Variants in DPP10 observed in about 807,000 individuals in gnomAD.
DPP10 encodes inactive dipeptidyl peptidase 10.
Under a neutral mutation model 120.9 loss-of-function variants are expected in DPP10, and 33 were observed. The ratio of observed to expected loss-of-function variants is 0.27; its 90% confidence interval spans 0.21 to 0.37. The LOEUF is 0.37. Among genes scored for constraint, DPP10 ranks in the 10% least tolerant of loss-of-function variants. The pLI, the probability that DPP10 is intolerant of heterozygous loss-of-function variation, is 1.00. For synonymous variants in DPP10, 337 were observed against 326.1 expected, an observed-to-expected ratio of 1.03 and a Z score of -0.36; for missense variants, 816 against 942.8, an observed-to-expected ratio of 0.87 and a Z score of 1.76.
intron 5 of DPP10, among the ~76,000 whole-genome samples, chr2:115,589,575 T>G (rs1362066779): frequency 2.6e-5 from 4 of 152,158 alleles, no homozygotes; most frequent in African/African-American, 7.2e-5. Flanking sequence ...CAAGCAATTA[T>G]GGTGAATTCT....
At chr2:114,646,060 CGA>C (rs1332182818) in intron 1 of DPP10, among the ~76,000 whole-genome samples, 1 of 151,434 alleles carries the variant, frequency 6.6e-6, no homozygotes, top group Admixed American at 6.6e-5. Context: ...CTCAGGAGGC[CGA>C]GGCAGGAGAA....
intron 3 of DPP10, among the ~76,000 whole-genome samples, chr2:115,392,537 T>C (rs2067389898): frequency 6.6e-6 from 1 of 152,158 alleles, no homozygotes; most frequent in African/African-American, 2.4e-5. Context: ...CACATATATA[T>C]AACTAATATT....
intron 1 of DPP10, among the ~76,000 whole-genome samples, chr2:114,585,943 A>G (rs1299546924): frequency 6.6e-6 from 1 of 152,232 alleles, no homozygotes; most frequent in Non-Finnish European, 1.5e-5. Context: ...AGAGGAATTC[A>G]TAACATATAA....
In DPP10 at chr2:115,840,832, C is replaced by G; in HGVS notation, c.2256+9C>G. ...TGAATTATACTATGCAGGTAAGCTA[C>G]TTTCTTAGAAGAACGTGTTTTCCTG... is the stretch of plus-strand genomic sequence containing the variant. On this transcript the variant is annotated intron_variant, in intron 25 of 25. Transcript: ENST00000410059. 1 of 1,606,886 alleles carries G rather than the reference C, an allele frequency of 6.2e-7. No homozygotes were observed.
intron 1 of DPP10, among the ~76,000 whole-genome samples, chr2:114,975,556 C>T (rs778402840): frequency 6.6e-6 from 1 of 152,110 alleles, no homozygotes; most frequent in Non-Finnish European, 1.5e-5. Context: ...AGTAAAAATG[C>T]GTTTGTGCTA....
chr2:115,227,601 C>T (rs1000756376), intron 1 of DPP10, among the ~76,000 whole-genome samples: 1 of 152,014 alleles, frequency 6.6e-6, no homozygotes, highest in Admixed American at 6.6e-5. Context: ...CTTTGGTAGG[C>T]GCCAATATGT....
chr2:115,299,295 C>A (rs1243459844), intron 1 of DPP10, among the ~76,000 whole-genome samples: 1 of 151,992 alleles, frequency 6.6e-6, no homozygotes, highest in Non-Finnish European at 1.5e-5. Flanking sequence ...TATGGGCCAG[C>A]ACCAAGTTCT....
At position 115,477,703 on chromosome 2, in the gene DPP10, T is replaced by A. The variant is rs185943943; in HGVS notation, c.272-21807T>A. 3.7e-3 allele frequency among the ~76,000 whole-genome samples: 556 copies of A among 152,234 alleles called. 2 individuals are homozygous for A. The highest frequency in any genetic ancestry group is 8.1e-3 in the Admixed American group (123 of 15,276). On this transcript the variant is annotated intron_variant, in intron 3 of 25. Transcript: ENST00000410059. ...TCCAACTAATCAGTACAATCCTCAA[T>A]ATAGAATAACAAAGCATTGAGCTCA...
At position 115,071,802 on chromosome 2, in the gene DPP10, A is replaced by T. The variant is rs540223299; in HGVS notation, c.61-237437A>T. 5.9e-5 allele frequency among the ~76,000 whole-genome samples: 9 copies of T among 152,280 alleles called. No homozygotes were observed. The East Asian group carries it at 1.7e-3, about 29-fold the overall frequency. ...CAATGCCTGATCACCTTAGTTTAAA[A>T]CATTTAGAAGCTGAGAGGAAATTTC... On this transcript the variant is annotated intron_variant, in intron 1 of 25. Transcript: ENST00000410059.
chr2:115,841,895 G>A (rs1202172852), intron 25 of DPP10, among the ~76,000 whole-genome samples: 2 of 152,152 alleles, frequency 1.3e-5, no homozygotes, highest in East Asian at 3.9e-4. Flanking sequence ...GGGAGGAGAG[G>A]CCAAGGGCCT....
At chr2:114,827,241 G>C (rs1393349653) in intron 1 of DPP10, among the ~76,000 whole-genome samples, 2 of 152,154 alleles carry the variant, frequency 1.3e-5, no homozygotes, top group African/African-American at 4.8e-5. Context: ...AATCTGGAGA[G>C]GTGTGTAATA....
At chr2:115,336,597 C>CTATA (rs1377911260) in intron 2 of DPP10, among the ~76,000 whole-genome samples, 2 of 148,850 alleles carry the variant, frequency 1.3e-5, no homozygotes, top group African/African-American at 2.4e-5. Flanking sequence ...CTCTCTCTCT[C>CTATA]TCTATATATA....
At chr2:115,229,689 C>CTATTCTATT (rs1299566775) in intron 1 of DPP10, among the ~76,000 whole-genome samples, 1 of 139,724 alleles carries the variant, frequency 7.2e-6, no homozygotes, top group Admixed American at 7.2e-5. Flanking sequence ...TCTGAGTTCT[C>CTATTCTATT]CTATTCTATT....
Position 115,344,267 on chromosome 2 carries a change from G to A in DPP10, c.271+355G>A, listed in dbSNP as rs145234219. On this transcript the variant is annotated intron_variant, in intron 3 of 25. Transcript: ENST00000410059. ...AGAAAATCAATTCCTAAGATAGGGCGTCAATAAATTATTTGGCAAACATTG... is the reference window on the plus strand; with the variant it reads ...AGAAAATCAATTCCTAAGATAGGGCATCAATAAATTATTTGGCAAACATTG... Among the ~76,000 whole-genome samples the A allele has an allele frequency of 8.5e-5, 13 of 152,088 alleles. No individual in the cohort carries two copies. In the East Asian group the frequency reaches 9.7e-4, roughly 11 times the overall value.
chr2:114,855,330 T>C (rs1519667), intron 1 of DPP10, among the ~76,000 whole-genome samples: 68,205 of 152,030 alleles, frequency 0.45, 15,874 homozygotes, highest in African/African-American at 0.53. Flanking sequence ...TAAATTCCCA[T>C]GGACTTTATT....
At chr2:115,005,685 TG>T (rs1447804641) in intron 1 of DPP10, among the ~76,000 whole-genome samples, 2 of 151,806 alleles carry the variant, frequency 1.3e-5, no homozygotes, top group East Asian at 3.9e-4. Context: ...TAAAAAGAAA[TG>T]AGCAAAGCCT....
intron 1 of DPP10, among the ~76,000 whole-genome samples, chr2:114,970,415 C>A (rs1449407860): frequency 3.3e-5 from 5 of 152,070 alleles, no homozygotes. Context: ...AAACTATTTT[C>A]TGTATTGGTA....
intron 1 of DPP10, among the ~76,000 whole-genome samples, chr2:114,523,440 G>A (rs150758480): frequency 1.4e-3 from 208 of 152,304 alleles, no homozygotes; most frequent in Non-Finnish European, 2.1e-3. Context: ...CTGTGAAAGC[G>A]AATCTTGGCA....
chr2:114,565,572 G>A (rs1267746292), intron 1 of DPP10, among the ~76,000 whole-genome samples: 1 of 152,222 alleles, frequency 6.6e-6, no homozygotes, highest in Admixed American at 6.5e-5. Context: ...AGTGAACTCA[G>A]CCATGCTTCC....
Sources: allele counts gnomAD v4.1 joint callset (sites outside exome capture counted in the v4.1 genomes callset), GRCh38; gene constraint gnomAD v4.1.1; transcripts MANE v1.5; gene names NCBI Gene and HGNC (gene_info 2026-07-23, HGNC 2026-07-21).